The following GALNT13 variants were observed in gnomAD, a reference collection of about 807,000 sequenced individuals.
The protein encoded by GALNT13 is UDP-GalNAc:polypeptide N-acetylgalactosaminyltransferase 13.
Under a neutral mutation model 64.2 loss-of-function variants are expected in GALNT13, and 28 were observed. The observed-to-expected ratio is 0.44, with a 90% CI of 0.32 to 0.60. The LOEUF is 0.60. Ranked by LOEUF, GALNT13 falls within the 20% of genes least tolerant of loss-of-function variation. GALNT13 has a pLI of 0.05. For synonymous variants in GALNT13, 214 were observed against 224.6 expected (o/e 0.95, Z 0.42); for missense variants, 577 against 669.8 (o/e 0.86, Z 1.53).
the GALNT13 span, among the ~76,000 whole-genome samples, chr2:153,238,589 T>C: frequency 7.3e-6 from 1 of 137,582 alleles, no homozygotes; most frequent in Non-Finnish European, 1.7e-5. Flanking sequence ...GAAGAGACTG[T>C]CTTTTCCCCA....
At chr2:153,626,892 C>G in the GALNT13 span, among the ~76,000 whole-genome samples, 2 of 152,070 alleles carry the variant, frequency 1.3e-5, no homozygotes, top group African/African-American at 4.8e-5. Context: ...ACTTCCTGGA[C>G]TTAATCCCAG....
the GALNT13 span, among the ~76,000 whole-genome samples, chr2:153,502,321 G>T: frequency 6.6e-6 from 1 of 152,128 alleles, no homozygotes; most frequent in African/African-American, 2.4e-5. Flanking sequence ...TCCCACTTAT[G>T]ACTGAGAACA....
At chr2:153,720,809 T>C in the GALNT13 span, among the ~76,000 whole-genome samples, 1,062 of 148,990 alleles carry the variant, frequency 7.1e-3, 16 homozygotes, top group African/African-American at 0.024. Context: ...TATGGGACTA[T>C]GTGAAAAGAC....
chr2:153,556,443 T>C, the GALNT13 span, among the ~76,000 whole-genome samples: 2 of 152,224 alleles, frequency 1.3e-5, no homozygotes. Context: ...TATTTTCATA[T>C]ACTTTTATAA....
At chr2:153,573,313 A>T in the GALNT13 span, among the ~76,000 whole-genome samples, 1 of 151,556 alleles carries the variant, frequency 6.6e-6, no homozygotes, top group East Asian at 1.9e-4. Context: ...CCATTTATTT[A>T]CTTTTAGTCC....
chr2:154,078,886 T>A (rs1701125255), intron 3 of GALNT13, among the ~76,000 whole-genome samples: 2 of 151,688 alleles, frequency 1.3e-5, no homozygotes, highest in African/African-American at 4.8e-5. Flanking sequence ...TCTCTGTGCC[T>A]CAGTGACTTC....
At chr2:153,399,480 T>C in the GALNT13 span, among the ~76,000 whole-genome samples, 8 of 152,238 alleles carry the variant, frequency 5.3e-5, no homozygotes, top group Admixed American at 1.3e-4. Context: ...GGTAGCTTGA[T>C]GGGGATGGCA....
At chr2:153,776,568 C>A in the GALNT13 span, among the ~76,000 whole-genome samples, 47 of 152,342 alleles carry the variant, frequency 3.1e-4, 2 homozygotes, top group South Asian at 9.5e-3. Context: ...CCTGAAGAAG[C>A]TTCTTTCAAT....
the GALNT13 span, among the ~76,000 whole-genome samples, chr2:153,700,804 C>T: frequency 6.6e-6 from 1 of 152,116 alleles, no homozygotes; most frequent in African/African-American, 2.4e-5. Flanking sequence ...AGGACCTCTT[C>T]AAAGAGAACT....
chr2:153,130,097 T>C, the GALNT13 span, among the ~76,000 whole-genome samples: 1 of 152,168 alleles, frequency 6.6e-6, no homozygotes, highest in African/African-American at 2.4e-5. Context: ...CATCAGCGAA[T>C]CCTGCTAACT....
At chr2:153,911,735 C>T (rs553486975) in intron 2 of GALNT13, among the ~76,000 whole-genome samples, 10 of 151,958 alleles carry the variant, frequency 6.6e-5, no homozygotes, top group African/African-American at 9.7e-5. Flanking sequence ...GAATATAGAC[C>T]CCCAATCTCT....
chr2:153,932,427 T>G (rs1033128596), intron 2 of GALNT13, among the ~76,000 whole-genome samples: 2 of 151,984 alleles, frequency 1.3e-5, no homozygotes, highest in East Asian at 3.9e-4. Context: ...GCTATAGACT[T>G]TCTTCTTAAT....
At chr2:154,061,182 G>T (rs1700162324) in intron 3 of GALNT13, among the ~76,000 whole-genome samples, 1 of 152,000 alleles carries the variant, frequency 6.6e-6, no homozygotes, top group African/African-American at 2.4e-5. Flanking sequence ...TTTATTATAT[G>T]CTCTGTGTCT....
chr2:153,566,762 G>A, the GALNT13 span, among the ~76,000 whole-genome samples: 1 of 152,178 alleles, frequency 6.6e-6, no homozygotes, highest in Admixed American at 6.5e-5. Context: ...TGACTTATTT[G>A]TAGTTCATTG....
At chr2:154,267,420 A>T (rs970710826) in intron 8 of GALNT13, among the ~76,000 whole-genome samples, 4 of 152,082 alleles carry the variant, frequency 2.6e-5, no homozygotes, top group African/African-American at 9.7e-5. Flanking sequence ...TGGGCAGATC[A>T]CTTAAGGTCA....
At chr2:153,913,717 G>C (rs959417557) in intron 2 of GALNT13, among the ~76,000 whole-genome samples, 2 of 152,132 alleles carry the variant, frequency 1.3e-5, no homozygotes, top group African/African-American at 4.8e-5. Context: ...GTTCTTCGGG[G>C]CCAGGAATAA....
intron 9 of GALNT13, among the ~76,000 whole-genome samples, chr2:154,327,597 T>C (rs559805350): frequency 5.9e-5 from 9 of 152,234 alleles, no homozygotes; most frequent in African/African-American, 2.2e-4. Flanking sequence ...CTCTTTAATT[T>C]TAATAATACA....
the GALNT13 span, among the ~76,000 whole-genome samples, chr2:153,514,157 C>T: frequency 6.6e-6 from 1 of 151,808 alleles, no homozygotes; most frequent in South Asian, 2.1e-4. Context: ...ATCTTATCTC[C>T]TTTCTTTCCT....
Position 154,300,392 on chromosome 2 carries a change from C to T in GALNT13, c.976-1017C>T, listed in dbSNP as rs1323194014. Among the ~76,000 whole-genome samples, 9 of 151,978 alleles carry T rather than the reference C, an allele frequency of 5.9e-5. No individual in the cohort carries two copies. The South Asian group carries it at 6.2e-4, about 11-fold the overall frequency. ...TGGTGGGATTACAAGTGTGAGCCACCGCACCTGGCCAGAAATGGCCAGAAA... is the reference window on the plus strand; with the variant it reads ...TGGTGGGATTACAAGTGTGAGCCACTGCACCTGGCCAGAAATGGCCAGAAA... On this transcript the variant is annotated intron_variant, in intron 8 of 12. Coordinates refer to ENST00000392825, the MANE Select transcript of GALNT13 (RefSeq NM_052917.4).
Sources: gnomAD v4.1 joint callset for allele counts (sites outside exome capture counted in the v4.1 genomes callset) on GRCh38, gnomAD v4.1.1 for gene constraint, MANE v1.5 for transcripts, NCBI Gene and HGNC (gene_info 2026-07-23, HGNC 2026-07-21) for gene names.